Variants in CHRM5 observed in about 807,000 individuals in gnomAD.
CHRM5 encodes cholinergic receptor muscarinic 5.
A neutral mutation model predicts 39.0 loss-of-function variants in CHRM5; 18 were observed. The ratio of observed to expected loss-of-function variants is 0.46; its 90% confidence interval spans 0.32 to 0.68. The LOEUF (loss-of-function observed/expected upper bound fraction) is 0.68. Ranked by LOEUF, CHRM5 falls within the 30% of genes least tolerant of loss-of-function variation. The pLI is 0.04. For synonymous variants in CHRM5, 241 were observed against 246.3 expected, an observed-to-expected ratio of 0.98 and a Z score of 0.20; for missense variants, 515 against 651.1, an observed-to-expected ratio of 0.79 and a Z score of 2.28.
chr15:34,014,377 AAAAAAAACAAAAAC>A (rs1333010048), intron 1 of CHRM5, among the ~76,000 whole-genome samples: 6 of 112,530 alleles, frequency 5.3e-5, no homozygotes, highest in African/African-American at 5.9e-5. Flanking sequence ...TAAAAAAAAA[AAAAAAAACAAAAAC>A]AAAAACCACG....
intron 1 of CHRM5, among the ~76,000 whole-genome samples, chr15:33,984,270 C>G (rs185648580): frequency 2.0e-5 from 3 of 152,130 alleles, no homozygotes; most frequent in Non-Finnish European, 2.9e-5. Context: ...TCTGAAAAAT[C>G]TAAAAAGTAT....
chr15:33,996,875 T>C (rs1314167162), intron 1 of CHRM5, among the ~76,000 whole-genome samples: 1 of 152,114 alleles, frequency 6.6e-6, no homozygotes, highest in African/African-American at 2.4e-5. Flanking sequence ...CTGACAGAAG[T>C]AGGCTTCGGA....
intron 1 of CHRM5, among the ~76,000 whole-genome samples, chr15:34,003,815 A>G (rs1897229655): frequency 6.6e-6 from 1 of 152,204 alleles, no homozygotes; most frequent in Non-Finnish European, 1.5e-5. Flanking sequence ...CCACATCTAC[A>G]TTTGTTTTAG....
At position 34,063,129 on chromosome 15, in the gene CHRM5, T is replaced by C; in HGVS notation, c.412T>C (p.Tyr138His). The change falls in exon 3 of 3, where the codon TAT (tyrosine) becomes CAT (histidine). Residue 138 changes from tyrosine (Y) to histidine (H), a missense_variant. Coordinates refer to ENST00000383263, the MANE Select transcript of CHRM5 (RefSeq NM_012125.4). This position sits in a 1 kb window ranked among gnomAD's most constrained non-coding sequence, Gnocchi z 4.1. ...CTTTTCCATCACAAGACCCTTGACA[T>C]ATCGGGCCAAGCGTACTCCGAAAAG... ...RYFSITRPLT[Y>H]RAKRTPKRAG... The C allele has an allele frequency of 1.9e-6, 3 of 1,614,152 alleles. No homozygotes were observed. In the South Asian group the frequency reaches 3.3e-5, roughly 18 times the overall value.
At chr15:34,022,742 A>T (rs1342688286) in intron 1 of CHRM5, among the ~76,000 whole-genome samples, 1 of 152,238 alleles carries the variant, frequency 6.6e-6, no homozygotes, top group African/African-American at 2.4e-5. Context: ...TGATTAAAAA[A>T]GGAAAGCATT....
At chr15:33,980,537 T>C (rs1896090665) in intron 1 of CHRM5, among the ~76,000 whole-genome samples, 1 of 152,170 alleles carries the variant, frequency 6.6e-6, no homozygotes, top group African/African-American at 2.4e-5. Context: ...GAATATTAAA[T>C]ATACATGTAT....
chr15:34,037,910 A>T (rs1412759819), intron 1 of CHRM5, among the ~76,000 whole-genome samples: 5 of 152,222 alleles, frequency 3.3e-5, no homozygotes, highest in Non-Finnish European at 7.3e-5. Context: ...GTGCATAAGA[A>T]TGCAGAATAT....
At chr15:33,993,903 T>C (rs1405800673) in intron 1 of CHRM5, among the ~76,000 whole-genome samples, 1 of 152,270 alleles carries the variant, frequency 6.6e-6, no homozygotes, top group African/African-American at 2.4e-5. Flanking sequence ...TGTGGGCATG[T>C]TTCTTTTACT....
chr15:34,022,640 T>C (rs959233530), intron 1 of CHRM5, among the ~76,000 whole-genome samples: 2 of 152,224 alleles, frequency 1.3e-5, no homozygotes, highest in Non-Finnish European at 2.9e-5. Context: ...GTTAGAATAC[T>C]AACATTATGG....
intron 1 of CHRM5, among the ~76,000 whole-genome samples, chr15:34,034,151 A>G (rs769208972): frequency 2.6e-5 from 4 of 152,172 alleles, no homozygotes; most frequent in Non-Finnish European, 5.9e-5. Flanking sequence ...AGTATTTAAA[A>G]TCCATCCAGA....
At position 34,003,062 on chromosome 15, in the gene CHRM5, T is replaced by C. The variant is rs777745879; in HGVS notation, c.-408+33912T>C. The C allele has an allele frequency of 1.9e-6, 3 of 1,613,980 alleles. No individual in the cohort carries two copies. The highest frequency in any genetic ancestry group is 2.5e-6 in the Non-Finnish European group (3 of 1,179,910). On this transcript the variant is annotated intron_variant, in intron 1 of 2. Transcript: ENST00000383263. ...GAGCTAAGGAGGACACTGAAATCTG[T>C]TCCCCTCTGTGACTCTCCACTTTCA...
chr15:34,027,085 G>A (rs571065831), intron 1 of CHRM5, among the ~76,000 whole-genome samples: 1 of 152,274 alleles, frequency 6.6e-6, no homozygotes, highest in East Asian at 1.9e-4. Flanking sequence ...GACAAAAATT[G>A]TCAACATATA....
rs1900502178 is a variant in CHRM5 at position 34,066,048 on chromosome 15, G to T, written c.*1732G>T. 7 of 152,260 alleles carry T rather than the reference G, an allele frequency of 4.6e-5. No individual in the cohort carries two copies. Among genetic ancestry groups the T allele is most frequent in the Admixed American group, 4.6e-4 (7 of 15,286 alleles). The allele number at this position is 152,260 out of a possible 1,614,324, so 9.4% of individuals were successfully genotyped here. A position where few individuals can be genotyped will look rare whatever the true frequency, so the allele number is the denominator to read the frequency against. Reference sequence around the variant, plus strand: ...ACAGGATGTCCCACGGAGGCTTCAGGGTAGTAGAATCTCAGGCAGGACGGG... The same window carrying T: ...ACAGGATGTCCCACGGAGGCTTCAGTGTAGTAGAATCTCAGGCAGGACGGG... On this transcript the variant is annotated 3_prime_UTR_variant, in exon 3 of 3. Coordinates refer to ENST00000383263, the MANE Select transcript of CHRM5 (RefSeq NM_012125.4).
chr15:34,032,570 G>A (rs1183459072), intron 1 of CHRM5, among the ~76,000 whole-genome samples: 2 of 152,192 alleles, frequency 1.3e-5, no homozygotes, highest in Non-Finnish European at 2.9e-5. Context: ...ATCTTACTAA[G>A]AAACAAAGGG....
At chr15:33,997,379 A>C (rs570079287) in intron 1 of CHRM5, among the ~76,000 whole-genome samples, 1 of 152,332 alleles carries the variant, frequency 6.6e-6, no homozygotes, top group Admixed American at 6.5e-5. Context: ...GTTCACAAAG[A>C]AAGCAAGCAC....
intron 2 of CHRM5, among the ~76,000 whole-genome samples, chr15:34,052,108 G>A (rs937291568): frequency 7.9e-5 from 12 of 151,238 alleles, no homozygotes; most frequent in Non-Finnish European, 1.0e-4. Flanking sequence ...ATGAAATACT[G>A]GCAAATGAAA....
At chr15:34,006,403 A>G (rs913359323) in intron 1 of CHRM5, among the ~76,000 whole-genome samples, 1 of 152,240 alleles carries the variant, frequency 6.6e-6, no homozygotes, top group African/African-American at 2.4e-5. Context: ...GGAAAATTCA[A>G]TATTCTTTTG....
intron 1 of CHRM5, among the ~76,000 whole-genome samples, chr15:34,015,435 T>C (rs1276608777): frequency 6.6e-6 from 1 of 151,810 alleles, no homozygotes; most frequent in East Asian, 1.9e-4. Context: ...TGAGCCGAGA[T>C]CGCACCACTG....
intron 1 of CHRM5, among the ~76,000 whole-genome samples, chr15:34,010,858 C>T (rs1321955399): frequency 6.6e-6 from 1 of 152,024 alleles, no homozygotes; most frequent in Admixed American, 6.6e-5. Context: ...TAGTTAATTG[C>T]CAACTTTTAT....
Sources: allele counts gnomAD v4.1 joint callset (sites outside exome capture counted in the v4.1 genomes callset), GRCh38; gene constraint gnomAD v4.1.1; non-coding constraint Gnocchi (gnomAD v3.1); transcripts MANE v1.5; gene names NCBI Gene and HGNC (gene_info 2026-07-23, HGNC 2026-07-21).